The following CHST9 variants were observed in gnomAD, a reference collection of about 807,000 sequenced individuals.
The protein encoded by CHST9 is GalNAc-4-sulfotransferase 2.
A neutral mutation model predicts 44.4 loss-of-function variants in CHST9; 41 were observed. The ratio of observed to expected loss-of-function variants is 0.92; its 90% confidence interval spans 0.72 to 1.20. The LOEUF (loss-of-function observed/expected upper bound fraction) is 1.20, where lower values mean the gene tolerates loss of function less well. Among genes scored for constraint, CHST9 ranks in the 50% most tolerant of loss-of-function variants. The probability of loss-of-function intolerance (pLI) is 0.00; values close to 1 mark genes in which losing one functional copy is unlikely to be tolerated. For synonymous variants in CHST9, 171 were observed against 178.4 expected, an observed-to-expected ratio of 0.96 and a Z score of 0.33; for missense variants, 504 against 516.5, an observed-to-expected ratio of 0.98 and a Z score of 0.23.
intron 2 of CHST9, among the ~76,000 whole-genome samples, chr18:27,094,988 C>T (rs945711551): frequency 3.3e-5 from 5 of 152,130 alleles, no homozygotes; most frequent in African/African-American, 9.7e-5. Flanking sequence ...TTCTACTATC[C>T]ACACTCTATC....
At chr18:27,029,248 T>C (rs1220322727) in intron 3 of CHST9, among the ~76,000 whole-genome samples, 1 of 152,178 alleles carries the variant, frequency 6.6e-6, no homozygotes, top group Non-Finnish European at 1.5e-5. Context: ...TCTGATTCTG[T>C]TTTCCTTGAG....
chr18:27,077,613 T>A lies in CHST9; in HGVS notation c.122-29110A>T, dbSNP rs932877329. ...TTTGCAACTAAGAAATAAACTTCTT[T>A]CGGGAATGTGGGGGAATGATGAAGT... On this transcript the variant is annotated intron_variant, in intron 2 of 5. Transcript: ENST00000618847. 3.3e-5 allele frequency among the ~76,000 whole-genome samples: 5 copies of A among 152,156 alleles called. No homozygotes were observed. The East Asian group carries it at 7.7e-4, about 23-fold the overall frequency.
At chr18:27,105,410 AT>A (rs1438876112) in intron 2 of CHST9, among the ~76,000 whole-genome samples, 1 of 152,134 alleles carries the variant, frequency 6.6e-6, no homozygotes, top group Non-Finnish European at 1.5e-5. Context: ...ACTCATTGTG[AT>A]TTAGAACCTG....
chr18:27,143,798 G>T (rs1175202746), intron 1 of CHST9, among the ~76,000 whole-genome samples: 1 of 151,972 alleles, frequency 6.6e-6, no homozygotes, highest in Non-Finnish European at 1.5e-5. Flanking sequence ...CTTGGGGGAT[G>T]GGGGGCAAGG....
chr18:26,941,537 C>T (rs551159952), intron 5 of CHST9, among the ~76,000 whole-genome samples: 143 of 151,216 alleles, frequency 9.5e-4, no homozygotes, highest in Admixed American at 2.0e-3. Context: ...CATCTAGTAT[C>T]ATAAAAATTA....
chr18:26,917,374 T>C (rs1254868909), intron 5 of CHST9, 24 bp from the exon 6 acceptor site: 2 of 1,598,092 alleles, frequency 1.3e-6, no homozygotes, highest in Middle Eastern at 1.7e-4. Flanking sequence ...GAAGGAGAAA[T>C]GTTGAAAGCA....
At chr18:26,954,683 G>C (rs901774178) in intron 4 of CHST9, among the ~76,000 whole-genome samples, 3 of 152,006 alleles carry the variant, frequency 2.0e-5, no homozygotes, top group Non-Finnish European at 4.4e-5. Context: ...TTAATATTAA[G>C]ACGTCAGGAG....
chr18:27,127,686 C>T (rs1362664427), intron 2 of CHST9, among the ~76,000 whole-genome samples: 1 of 152,090 alleles, frequency 6.6e-6, no homozygotes, highest in East Asian at 1.9e-4. Flanking sequence ...TGTATAATTA[C>T]AGAAACGACA....
At chr18:26,926,634 ACT>A (rs2055773496) in intron 5 of CHST9, among the ~76,000 whole-genome samples, 1 of 152,228 alleles carries the variant, frequency 6.6e-6, no homozygotes, top group African/African-American at 2.4e-5. Flanking sequence ...GCACAAGGTC[ACT>A]CTAGAAAATG....
In CHST9 at chr18:26,919,129, G is replaced by T. The variant is rs1280417232; in HGVS notation, c.241-1779C>A. Among the ~76,000 whole-genome samples, 4 of 152,192 alleles carry T rather than the reference G, an allele frequency of 2.6e-5. No individual in the cohort carries two copies. The East Asian group carries it at 7.7e-4, about 29-fold the overall frequency. The stretch of plus-strand genomic sequence containing the variant: ...CAGCATGGGAAAAACCCACCCCCAT[G>T]ATTCAATTACCTCCCACCTGGTCCC... On this transcript the variant is annotated intron_variant, in intron 5 of 5. Transcript: ENST00000618847.
At chr18:27,142,272 T>G (rs2058574233) in intron 2 of CHST9, among the ~76,000 whole-genome samples, 1 of 152,230 alleles carries the variant, frequency 6.6e-6, no homozygotes, top group South Asian at 2.1e-4. Flanking sequence ...AGGTATTAAA[T>G]GATATTTATA....
At chr18:27,085,496 AG>A (rs772214395) in intron 2 of CHST9, among the ~76,000 whole-genome samples, 15 of 152,108 alleles carry the variant, frequency 9.9e-5, no homozygotes, top group Admixed American at 5.2e-4. Flanking sequence ...AAGACACACA[AG>A]TGGTCAATAA....
intron 2 of CHST9, among the ~76,000 whole-genome samples, chr18:27,050,972 G>A (rs924697589): frequency 2.6e-5 from 4 of 152,200 alleles, no homozygotes; most frequent in African/African-American, 7.2e-5. Context: ...ATAATATGGT[G>A]TAGTGATCAA....
intron 4 of CHST9, among the ~76,000 whole-genome samples, chr18:26,979,643 T>A (rs1344478227): frequency 6.6e-6 from 1 of 152,178 alleles, no homozygotes; most frequent in Non-Finnish European, 1.5e-5. Context: ...TTTAATTGTC[T>A]ATATTTGTCA....
chr18:26,962,579 C>T (rs2056414193), intron 4 of CHST9, among the ~76,000 whole-genome samples: 2 of 152,342 alleles, frequency 1.3e-5, no homozygotes, highest in Admixed American at 1.3e-4. Flanking sequence ...GTGTGAGCCA[C>T]TGCGCTCAGC....
intron 2 of CHST9, among the ~76,000 whole-genome samples, chr18:27,071,359 A>G (rs544613867): frequency 6.6e-6 from 1 of 152,330 alleles, no homozygotes; most frequent in South Asian, 2.1e-4. Flanking sequence ...CCTGAACTAT[A>G]AAACTGGAAA....
intron 5 of CHST9, among the ~76,000 whole-genome samples, chr18:26,917,976 G>C (rs1373371767): frequency 6.6e-6 from 1 of 151,878 alleles, no homozygotes; most frequent in Non-Finnish European, 1.5e-5. Context: ...TCACATATGA[G>C]ACCTTCCCTC....
chr18:27,019,869 C>T (rs1304667924), intron 4 of CHST9, among the ~76,000 whole-genome samples: 1 of 151,922 alleles, frequency 6.6e-6, no homozygotes, highest in African/African-American at 2.4e-5. Context: ...AGGATAGAAA[C>T]AAGAGTGAAA....
At chr18:27,121,140 CT>C (rs1232921783) in intron 2 of CHST9, among the ~76,000 whole-genome samples, 18 of 152,118 alleles carry the variant, frequency 1.2e-4, no homozygotes, top group Admixed American at 1.2e-3. Flanking sequence ...GCAGCTGGGA[CT>C]ACAGGCACCA....
Sources: gnomAD v4.1 joint callset for allele counts (sites outside exome capture counted in the v4.1 genomes callset) on GRCh38, gnomAD v4.1.1 for gene constraint, MANE v1.5 for transcripts, NCBI Gene and HGNC (gene_info 2026-07-23, HGNC 2026-07-21) for gene names.